Variants in CHD6 observed in about 807,000 individuals in gnomAD.
CHD6 encodes the protein ATP-dependent chromatin remodeler CHD6.
In CHD6, 50 loss-of-function variants were observed where a neutral mutation model predicts 276.9. The ratio of observed to expected loss-of-function variants is 0.18; its 90% CI spans 0.14 to 0.23. CHD6 has a LOEUF of 0.23. CHD6 is among the 10% of genes least tolerant of loss of function. The pLI is 1.00. For missense variants in CHD6, 2,564 were observed against 3,365.8 expected (o/e 0.76, Z 5.89); for synonymous variants, 1,173 against 1,229.3 (o/e 0.95, Z 0.96).
At chr20:41,434,550 C>T (rs192271151) in intron 27 of CHD6, among the ~76,000 whole-genome samples, 3,463 of 152,024 alleles carry the variant, frequency 0.023, 48 homozygotes, top group South Asian at 0.044. Context: ...TTGTATTTTT[C>T]GTAGAGATGG....
rs138140810 is a variant in CHD6, at chr20:41,422,862, T to G, written c.4555+630A>C. ...GCCATATAGGAGGCAAAGGCTGGTA[T>G]GTCTTGTGCGTGCTGCCATCAGCCC... is the stretch of plus-strand genomic sequence containing the variant. On this transcript the variant is annotated intron_variant, in intron 30 of 36. Coordinates refer to ENST00000373233, the MANE Select transcript of CHD6 (RefSeq NM_032221.5). Among the ~76,000 whole-genome samples the G allele has an allele frequency of 2.5e-3, 378 of 152,346 alleles. 4 individuals are homozygous for G. The highest frequency in any genetic ancestry group is 3.0e-3 in the Non-Finnish European group (202 of 68,038).
At chr20:41,500,874 G>A (rs1476588568) in intron 5 of CHD6, among the ~76,000 whole-genome samples, 1 of 152,128 alleles carries the variant, frequency 6.6e-6, no homozygotes, top group African/African-American at 2.4e-5. Flanking sequence ...AACTCTCTGA[G>A]GCCACAGAGT....
Position 41,416,694 on chromosome 20 carries a change from G to C in CHD6, c.6380C>G (p.Thr2127Ser). 1 of 1,614,152 alleles carries C rather than the reference G, an allele frequency of 6.2e-7. No individual in the cohort carries two copies. Among genetic ancestry groups the C allele is most frequent in the Non-Finnish European group, 8.5e-7 (1 of 1,180,010 alleles). ...ACCAGCACTGCTGGTTAATACCGGG[G>C]TGGGCAGTGTGCCTGAGGGCTCATA... ...QQYEPSGTLP[T>S]PVLTSSAGSR... Residue 2127 changes from threonine (T) to serine (S), a missense_variant, in exon 33 of 37, where the codon ACC (threonine) becomes AGC (serine). This residue lies in a region of CHD6 where 1,024 missense variants were observed against 1,047.9 expected (regional missense o/e 0.98). Coordinates refer to ENST00000373233, the MANE Select transcript of CHD6 (RefSeq NM_032221.5).
At chr20:41,546,259 A>T (rs1038262195) in intron 2 of CHD6, among the ~76,000 whole-genome samples, 13 of 152,170 alleles carry the variant, frequency 8.5e-5, no homozygotes, top group Non-Finnish European at 1.3e-4. Flanking sequence ...ATCTGAAGAA[A>T]ACTCTTCCCA....
chr20:41,585,743 T>C (rs981049537), intron 1 of CHD6, among the ~76,000 whole-genome samples: 2 of 152,126 alleles, frequency 1.3e-5, no homozygotes, highest in Admixed American at 6.5e-5. Context: ...CAGCATTACC[T>C]TGACATCAAA....
intron 2 of CHD6, among the ~76,000 whole-genome samples, chr20:41,550,694 G>C (rs1267405287): frequency 6.6e-6 from 1 of 152,112 alleles, no homozygotes; most frequent in Admixed American, 6.5e-5. Context: ...GACACAGACA[G>C]GTCTCCCATC....
rs564762416 is a variant in CHD6, at chr20:41,457,062, T to G, written c.2829+202A>C. On this transcript the variant is annotated intron_variant, in intron 18 of 36. Transcript: ENST00000373233. ...TGGGCAATCCTACCTCATAACTGCT[T>G]CTACGGATTTCCTTTAACCACCCAG... Among the ~76,000 whole-genome samples, 8 of 152,326 alleles carry G rather than the reference T, an allele frequency of 5.3e-5. No homozygotes were observed. In the South Asian group the frequency reaches 1.5e-3, roughly 28 times the overall value.
chr20:41,452,087 C>A lies in CHD6; in HGVS notation c.3324-62G>T. The A allele has an allele frequency of 7.8e-7, 1 of 1,288,986 alleles. No individual in the cohort carries two copies. The highest frequency in any genetic ancestry group is 1.1e-6 in the Non-Finnish European group (1 of 893,604). 79.8% of individuals were successfully genotyped at this position (1,288,986 alleles called of 1,614,324 possible). ...ATGGACCAGGCCATGCAGGCAGCCT[C>A]CCCACAGGAGGAGAAACAAGAGCCA... On this transcript the variant is annotated intron_variant, in intron 21 of 36. Coordinates refer to ENST00000373233, the MANE Select transcript of CHD6 (RefSeq NM_032221.5). The surrounding 1 kb of genome is among the most constrained non-coding windows in gnomAD (Gnocchi z 4.2).
chr20:41,418,998 A>G (rs2047093687), intron 31 of CHD6, among the ~76,000 whole-genome samples: 1 of 152,154 alleles, frequency 6.6e-6, no homozygotes, highest in East Asian at 1.9e-4. Flanking sequence ...TGGGTTTCCA[A>G]GGACTGATAA....
chr20:41,589,987 A>C (rs1171659952), intron 1 of CHD6, among the ~76,000 whole-genome samples: 2 of 75,444 alleles, frequency 2.7e-5, no homozygotes, highest in African/African-American at 1.1e-4. Context: ...ACAGTAACCA[A>C]AACAGCATGG....
Position 41,514,853 on chromosome 20 carries a change from G to T in CHD6, c.654C>A (p.Asn218Lys). The T allele has an allele frequency of 6.2e-7, 1 of 1,614,034 alleles. No homozygotes were observed. The highest frequency in any genetic ancestry group is 8.5e-7 in the Non-Finnish European group (1 of 1,179,960). Residue 218 changes from asparagine (N) to lysine (K), a missense_variant, in exon 4 of 37, where the codon AAC (asparagine) becomes AAA (lysine). This residue lies in a region of CHD6 where 286 missense variants were observed against 297.8 expected (regional missense o/e 0.96). Transcript: ENST00000373233. ...ACTCCTCAGGACTCCGCAGAGATGG[G>T]TTCGTCAGGCCCTGATCCAGCTCTA... ...ESLELDQGLT[N>K]PSLRSPEEST...
chr20:41,451,133 G>A (rs994854791), intron 22 of CHD6, 28 bp from the exon 23 acceptor site: 3 of 1,605,728 alleles, frequency 1.9e-6, no homozygotes, highest in Non-Finnish European at 1.7e-6. Context: ...CATAGGGCAA[G>A]TGGATAGCCA....
intron 1 of CHD6, among the ~76,000 whole-genome samples, chr20:41,559,679 G>A (rs956191006): frequency 2.6e-5 from 4 of 152,090 alleles, no homozygotes; most frequent in African/African-American, 9.7e-5. Flanking sequence ...AAGGCTCCCT[G>A]AGTTTTCTAC....
intron 1 of CHD6, among the ~76,000 whole-genome samples, chr20:41,558,824 C>A (rs545941227): frequency 6.6e-6 from 1 of 152,192 alleles, no homozygotes; most frequent in South Asian, 2.1e-4. Context: ...CCCTAGCCAG[C>A]CTACAGAAAA....
chr20:41,590,639 G>T (rs576330026), intron 1 of CHD6, among the ~76,000 whole-genome samples: 7 of 152,290 alleles, frequency 4.6e-5, no homozygotes, highest in Admixed American at 2.0e-4. Context: ...TCAGAGAAAT[G>T]CAAATCAAAA....
Position 41,452,032 on chromosome 20 carries a change from G to A in CHD6, c.3324-7C>T. On this transcript the variant is annotated splice_region_variant and splice_polypyrimidine_tract_variant and intron_variant, in intron 21 of 36. Coordinates refer to ENST00000373233, the MANE Select transcript of CHD6 (RefSeq NM_032221.5). This position sits in a 1 kb window ranked among gnomAD's most constrained non-coding sequence, Gnocchi z 4.2. ...GTCCTTCCACCGGCCCCAGCTGACA[G>A]TGGACATACAGACAGGTGTTGGAGG... is the stretch of plus-strand genomic sequence containing the variant. 1 of 1,612,274 alleles carries A rather than the reference G, an allele frequency of 6.2e-7. No homozygotes were observed. The highest frequency in any genetic ancestry group is 8.5e-7 in the Non-Finnish European group (1 of 1,178,582).
At chr20:41,614,002 T>G (rs1452234832) in intron 1 of CHD6, among the ~76,000 whole-genome samples, 1 of 150,152 alleles carries the variant, frequency 6.7e-6, no homozygotes, top group Admixed American at 6.6e-5. Flanking sequence ...AAAACAATCT[T>G]AGAGTATAAA....
At chr20:41,532,334 C>T (rs1327814404) in intron 3 of CHD6, among the ~76,000 whole-genome samples, 1 of 152,190 alleles carries the variant, frequency 6.6e-6, no homozygotes, top group Non-Finnish European at 1.5e-5. Context: ...GCACTCAGAG[C>T]TTGGAACCTA....
chr20:41,520,586 C>T lies in CHD6; in HGVS notation c.555-5634G>A, dbSNP rs562808245. Among the ~76,000 whole-genome samples the T allele has an allele frequency of 7.9e-4, 118 of 150,096 alleles. No individual in the cohort carries two copies. The East Asian group carries it at 0.015, about 20-fold the overall frequency. ...ATCACAAGGACAAAAAACCAAACAC[C>T]GCATGTTCTCACTCATAGGTGGGAA... On this transcript the variant is annotated intron_variant, in intron 3 of 36. Coordinates refer to ENST00000373233, the MANE Select transcript of CHD6 (RefSeq NM_032221.5).
Sources: allele counts gnomAD v4.1 joint callset (sites outside exome capture counted in the v4.1 genomes callset), GRCh38; gene constraint gnomAD v4.1.1; regional missense constraint gnomAD v4.1.1; non-coding constraint Gnocchi (gnomAD v3.1); transcripts MANE v1.5; gene names NCBI Gene and HGNC (gene_info 2026-07-23, HGNC 2026-07-21).